The following KRT8 variants were observed in gnomAD, a reference collection of about 807,000 sequenced individuals.
KRT8 encodes the protein keratin, type II cytoskeletal 8.
Under a neutral mutation model 43.0 loss-of-function variants are expected in KRT8, and 24 were observed. The observed-to-expected ratio is 0.56, with a 90% CI of 0.40 to 0.78. The LOEUF (loss-of-function observed/expected upper bound fraction) is 0.78, where lower values mean the gene tolerates loss of function less well. Among genes scored for constraint, KRT8 ranks in the 30% least tolerant of loss-of-function variants. KRT8 has a pLI of 0.00. For missense variants in KRT8, 492 were observed against 638.4 expected, an observed-to-expected ratio of 0.77 and a Z score of 2.47; for synonymous variants, 214 against 261.2, an observed-to-expected ratio of 0.82 and a Z score of 1.74.
intron 2 of KRT8, among the ~76,000 whole-genome samples, chr12:52,940,538 G>A (rs73112444): frequency 0.038 from 5,716 of 151,572 alleles, 119 homozygotes; most frequent in Middle Eastern, 0.056. Flanking sequence ...TGAGGACAGA[G>A]AACAGATCAG....
exon 1 of KRT8, chr12:52,904,673 G>A (rs1941466362): frequency 6.2e-7 from 1 of 1,612,654 alleles, no homozygotes; most frequent in African/African-American, 1.3e-5. Flanking sequence ...CTATGAAGGA[G>A]GCAAACTTGT....
chr12:52,929,341 A>C (rs1258323356), intron 2 of KRT8, among the ~76,000 whole-genome samples: 1 of 151,876 alleles, frequency 6.6e-6, no homozygotes, highest in Non-Finnish European at 1.5e-5. Context: ...ACAGGTGCCC[A>C]CCACCACGCC....
intron 2 of KRT8, among the ~76,000 whole-genome samples, chr12:52,923,697 C>T (rs1481233248): frequency 2.6e-5 from 4 of 152,108 alleles, no homozygotes; most frequent in African/African-American, 9.7e-5. Context: ...GGATTACAGG[C>T]GTGAGCCACC....
intron 2 of KRT8, among the ~76,000 whole-genome samples, chr12:52,944,334 G>A (rs930652103): frequency 4.6e-5 from 7 of 152,240 alleles, no homozygotes; most frequent in African/African-American, 1.4e-4. Context: ...GGCCATAAGC[G>A]ATTCTCCCAC....
intron 2 of KRT8, 190 bp downstream of exon 2, chr12:52,901,674 C>T (rs1941373335): frequency 3.2e-6 from 2 of 619,974 alleles, no homozygotes; most frequent in Admixed American, 5.3e-5. Flanking sequence ...GGGGTGGGTA[C>T]TATCAACAAT....
chr12:52,933,003 G>A (rs972264294), intron 2 of KRT8, among the ~76,000 whole-genome samples: 2 of 152,130 alleles, frequency 1.3e-5, no homozygotes, highest in Non-Finnish European at 2.9e-5. Context: ...GAGTGCAGTG[G>A]CGCGATCTCA....
intron 2 of KRT8, chr12:52,926,416 C>T: frequency 6.9e-7 from 1 of 1,444,326 alleles, no homozygotes; most frequent in Non-Finnish European, 9.2e-7. Context: ...CCTTACCCTT[C>T]CTGCAGGTCC....
At chr12:52,925,467 G>C (rs74089281) in intron 2 of KRT8, among the ~76,000 whole-genome samples, 1,545 of 152,246 alleles carry the variant, frequency 0.01, 28 homozygotes, top group African/African-American at 0.035. Flanking sequence ...ACCATTTTCA[G>C]AAACCTGCTC....
chr12:52,900,557 G>T, intron 4 of KRT8, 31 bp downstream of exon 4: 3 of 1,426,594 alleles, frequency 2.1e-6, no homozygotes, highest in Non-Finnish European at 3.0e-6. Context: ...AAGGCTGGGG[G>T]ACCCTCACTC....
chr12:52,906,892 C>T, upstream of KRT8: 1 of 400,062 alleles, frequency 2.5e-6, no homozygotes, highest in South Asian at 1.8e-5. Context: ...GGACCCCTAC[C>T]CAGAAGGACA....
At chr12:52,901,835 C>CA in intron 2 of KRT8, 29 bp downstream of exon 2, 2 of 1,518,306 alleles carry the variant, frequency 1.3e-6, no homozygotes, top group Non-Finnish European at 1.8e-6. Flanking sequence ...ACGGTGACTT[C>CA]AGTTGGGTGG....
chr12:52,943,834 G>A (rs940214358), intron 2 of KRT8, among the ~76,000 whole-genome samples: 4 of 152,214 alleles, frequency 2.6e-5, no homozygotes, highest in African/African-American at 9.6e-5. Flanking sequence ...GCCCAGCCTA[G>A]GCCAGGAAAG....
At chr12:52,938,621 A>C (rs1431815363) in intron 2 of KRT8, among the ~76,000 whole-genome samples, 2 of 146,048 alleles carry the variant, frequency 1.4e-5, no homozygotes, top group Non-Finnish European at 1.5e-5. Context: ...CTACAAAAGA[A>C]TTTTTTTTTT....
intron 1 of KRT8, among the ~76,000 whole-genome samples, chr12:52,902,678 G>A (rs557981402): frequency 1.3e-5 from 2 of 151,788 alleles, no homozygotes; most frequent in South Asian, 2.1e-4. Context: ...GTAAGCCACC[G>A]CGCCCGGCCA....
intron 2 of KRT8, among the ~76,000 whole-genome samples, chr12:52,939,148 G>C (rs1942226981): frequency 6.6e-6 from 1 of 152,158 alleles, no homozygotes; most frequent in African/African-American, 2.4e-5. Flanking sequence ...GTGTTGGTGA[G>C]GATACAGAGC....
intron 2 of KRT8, among the ~76,000 whole-genome samples, chr12:52,914,424 C>G (rs905137045): frequency 6.6e-6 from 1 of 152,082 alleles, no homozygotes; most frequent in Non-Finnish European, 1.5e-5. Flanking sequence ...GTAACCCCAG[C>G]TACTCAGGAG....
At chr12:52,918,590 C>T (rs564444068) in intron 2 of KRT8, among the ~76,000 whole-genome samples, 1 of 152,302 alleles carries the variant, frequency 6.6e-6, no homozygotes, top group Admixed American at 6.5e-5. Context: ...AGGGTGCAAC[C>T]AGAAGAATTT....
exon 8 of KRT8, chr12:52,897,447 G>A (rs1277493903): frequency 6.3e-7 from 1 of 1,599,378 alleles, no homozygotes; most frequent in Non-Finnish European, 8.5e-7. Flanking sequence ...CAGGACGTCA[G>A]AGGACTCAGA....
intron 2 of KRT8, among the ~76,000 whole-genome samples, chr12:52,926,117 C>T (rs377500110): frequency 6.6e-6 from 1 of 151,948 alleles, no homozygotes; most frequent in Non-Finnish European, 1.5e-5. Flanking sequence ...GACATGTACA[C>T]ACTGTCCCTC....
Sources: allele counts gnomAD v4.1 joint callset (sites outside exome capture counted in the v4.1 genomes callset), GRCh38; gene constraint gnomAD v4.1.1; transcripts MANE v1.5; gene names NCBI Gene and HGNC (gene_info 2026-07-23, HGNC 2026-07-21).